Variants in PTCH1 observed in about 807,000 individuals in gnomAD.
PTCH1 encodes patched 1.
PTCH1 carries 14 observed loss-of-function variants against 144.6 expected under a neutral mutation model. The ratio of observed to expected loss-of-function variants is 0.10; its 90% CI spans 0.06 to 0.15. The LOEUF (loss-of-function observed/expected upper bound fraction) is 0.15, where lower values mean the gene tolerates loss of function less well. PTCH1 is among the 10% of genes least tolerant of loss of function. The probability of loss-of-function intolerance (pLI) is 1.00; values close to 1 mark genes in which losing one functional copy is unlikely to be tolerated. For missense variants in PTCH1, 1,623 were observed against 1,948.3 expected, an observed-to-expected ratio of 0.83 and a Z score of 3.14; for synonymous variants, 833 against 793.6, an observed-to-expected ratio of 1.05 and a Z score of -0.83.
chr9:95,459,508 T>C (rs1839262829), intron 17 of PTCH1, 92 bp downstream of exon 17: 1 of 1,447,488 alleles, frequency 6.9e-7, no homozygotes. Flanking sequence ...GAACCCTGGG[T>C]AGCGTCAACG....
intron 2 of PTCH1, chr9:95,503,393 T>C (rs1843289005): frequency 6.6e-6 from 1 of 152,174 alleles, no homozygotes; most frequent in Non-Finnish European, 1.5e-5. Context: ...ACGTGAACAC[T>C]CAGCTCACTC....
In PTCH1 at chr9:95,449,028, G is replaced by A. The variant is rs745714712; in HGVS notation, c.3804+41C>T. The A allele has an allele frequency of 3.1e-6, 5 of 1,611,658 alleles. No homozygotes were observed. The highest frequency in any genetic ancestry group is 2.2e-5 in the East Asian group (1 of 44,802). ...GCTGGACCTCCAGGCCCACTACCAC[G>A]GTGGGAAGACCCCTCCCCCTGGTTC... On this transcript the variant is annotated intron_variant, in intron 22 of 23. Transcript: ENST00000331920. The surrounding 1 kb of genome is among the most constrained non-coding windows in gnomAD (Gnocchi z 5.3).
At chr9:95,512,026 C>T (rs1285303754), upstream of PTCH1, among the ~76,000 whole-genome samples, 1 of 152,162 alleles carries the variant, frequency 6.6e-6, no homozygotes. Context: ...TTCAGTATAG[C>T]TTGTTTGGAA....
intron 6 of PTCH1, 109 bp from the exon 7 acceptor site, chr9:95,480,199 G>T: frequency 6.4e-7 from 1 of 1,572,066 alleles, no homozygotes. Context: ...AACATTAATA[G>T]CAAGGCTAAT....
chr9:95,507,083 C>G, intron 1 of PTCH1: 1 of 986,174 alleles, frequency 1.0e-6, no homozygotes. Flanking sequence ...GCGGGTTCCC[C>G]CAACTGGACC....
At chr9:95,486,966 G>A (rs1238355492) in intron 2 of PTCH1, among the ~76,000 whole-genome samples, 1 of 152,186 alleles carries the variant, frequency 6.6e-6, no homozygotes, top group Non-Finnish European at 1.5e-5. Context: ...AAGCAGGCCT[G>A]CAGCGACAGT....
chr9:95,459,969 T>C (rs546494232), intron 16 of PTCH1, 186 bp from the exon 17 acceptor site: 3 of 685,750 alleles, frequency 4.4e-6, no homozygotes, highest in African/African-American at 1.8e-5. Context: ...TATCGGAGGA[T>C]GCAATCACTG....
At chr9:95,457,729 T>C (rs1214044784) in intron 18 of PTCH1, among the ~76,000 whole-genome samples, 1 of 152,200 alleles carries the variant, frequency 6.6e-6, no homozygotes, top group Admixed American at 6.5e-5. Context: ...TTTGAGTGTT[T>C]TGATTTAATA....
Position 95,458,410 on chromosome 9 carries a change from A to T in PTCH1, c.2888-117T>A. On this transcript the variant is annotated intron_variant, in intron 17 of 23. Coordinates refer to ENST00000331920, the MANE Select transcript of PTCH1 (RefSeq NM_000264.5). The surrounding 1 kb of genome is among the most constrained non-coding windows in gnomAD (Gnocchi z 4.7). ...TACTGACTGCTCTTCTACATGATAC[A>T]AAGAACAAACAATGCTGATCATAGC... 7.5e-7 allele frequency: 1 copy of T among 1,334,632 alleles called. No homozygotes were observed. Among genetic ancestry groups the T allele is most frequent in the South Asian group, 1.3e-5 (1 of 78,916 alleles). The allele number at this position is 1,334,632 out of a possible 1,614,324, so 82.7% of individuals were successfully genotyped here.
In PTCH1 at chr9:95,453,046, T is replaced by C. The variant is rs73540196; in HGVS notation, c.3449+432A>G. The C allele has an allele frequency of 4.3e-3, 1,369 of 319,850 alleles. 15 individuals are homozygous for C. The highest frequency in any genetic ancestry group is 0.027 in the African/African-American group (1,257 of 46,472). The allele number at this position is 319,850 out of a possible 1,614,324, so 19.8% of individuals were successfully genotyped here. On this transcript the variant is annotated intron_variant, in intron 20 of 23. Transcript: ENST00000331920. ...CTCCGAATATCTCTACGTTAACAAG[T>C]TCAAAAGAAAGCAGAGTCACGATGA...
intron 2 of PTCH1, among the ~76,000 whole-genome samples, chr9:95,487,215 C>A (rs532672674): frequency 1.9e-4 from 29 of 152,262 alleles, no homozygotes; most frequent in African/African-American, 5.3e-4. Context: ...TGCAGGTCCA[C>A]GCGGATGCCA....
chr9:95,510,146 C>A (rs1844075138), upstream of PTCH1, among the ~76,000 whole-genome samples: 1 of 150,942 alleles, frequency 6.6e-6, no homozygotes, highest in African/African-American at 2.4e-5. Context: ...ACAACAGAAT[C>A]TTTTTTTACA....
chr9:95,471,761 C>T lies in PTCH1; in HGVS notation c.1729-1830G>A, dbSNP rs185424224. Among the ~76,000 whole-genome samples the T allele has an allele frequency of 4.8e-4, 73 of 152,204 alleles. 1 individual carries two copies. Among genetic ancestry groups the T allele is most frequent in the African/African-American group, 1.7e-3 (71 of 41,566 alleles). ...GGGTTTATAAGATGAAAAAGAGGGC[C>T]GGGCACAGTGGCTCATGCCTGTAAT... On this transcript the variant is annotated intron_variant, in intron 12 of 23. Transcript: ENST00000331920.
intron 2 of PTCH1, among the ~76,000 whole-genome samples, chr9:95,492,288 T>G (rs1290129373): frequency 6.6e-6 from 1 of 152,196 alleles, no homozygotes; most frequent in Non-Finnish European, 1.5e-5. Context: ...ACACATTATT[T>G]TTTTCACTGC....
At position 95,446,693 on chromosome 9, in the gene PTCH1, A is replaced by G. The variant is rs563602531; in HGVS notation, c.*1+218T>C. ...CTGCACCGACCCTCCGCAGGTTAGC[A>G]GTGGGGGAAGAGAGCAGTGTGGAGC... On this transcript the variant is annotated intron_variant, in intron 23 of 23. Transcript: ENST00000331920. The G allele has an allele frequency of 4.4e-5, 28 of 635,026 alleles. No homozygotes were observed. In the East Asian group the frequency reaches 7.7e-4, roughly 17 times the overall value. The allele number at this position is 635,026 out of a possible 1,614,324, so 39.3% of individuals were successfully genotyped here.
intron 18 of PTCH1, among the ~76,000 whole-genome samples, chr9:95,456,814 A>G (rs761870384): frequency 3.9e-5 from 6 of 152,162 alleles, no homozygotes; most frequent in Non-Finnish European, 8.8e-5. Flanking sequence ...CAGCCGCCAG[A>G]GACCATCCGT....
chr9:95,512,087 C>T (rs947814750), upstream of PTCH1, among the ~76,000 whole-genome samples: 1 of 152,222 alleles, frequency 6.6e-6, no homozygotes, highest in Non-Finnish European at 1.5e-5. Context: ...ATGGATCCGC[C>T]TCACTCTCCG....
At chr9:95,477,463 C>G (rs748301350) in intron 10 of PTCH1, 84 bp downstream of exon 10, 2 of 1,574,552 alleles carry the variant, frequency 1.3e-6, no homozygotes, top group African/African-American at 1.4e-5. Flanking sequence ...GAAGGACACA[C>G]AGCACACAGG....
intron 2 of PTCH1, among the ~76,000 whole-genome samples, chr9:95,487,372 T>C (rs371312514): frequency 6.6e-6 from 1 of 152,356 alleles, no homozygotes; most frequent in East Asian, 1.9e-4. Flanking sequence ...GCCGAGGGCC[T>C]TGCCATCAAT....
Sources: allele counts gnomAD v4.1 joint callset (sites outside exome capture counted in the v4.1 genomes callset), GRCh38; gene constraint gnomAD v4.1.1; non-coding constraint Gnocchi (gnomAD v3.1); transcripts MANE v1.5; gene names NCBI Gene and HGNC (gene_info 2026-07-23, HGNC 2026-07-21).